The following TSEN15 variants were observed in gnomAD, a reference collection of about 807,000 sequenced individuals.
TSEN15 encodes the protein tRNA-splicing endonuclease subunit Sen15.
A neutral mutation model predicts 20.5 loss-of-function variants in TSEN15; 10 were observed. The ratio of observed to expected loss-of-function variants is 0.49; its 90% CI spans 0.30 to 0.83. The LOEUF (loss-of-function observed/expected upper bound fraction) is 0.83, where lower values mean the gene tolerates loss of function less well. Among genes scored for constraint, TSEN15 ranks in the 40% least tolerant of loss-of-function variants. The pLI is 0.06. For missense variants in TSEN15, 180 were observed against 218.6 expected (o/e 0.82, Z 1.11); for synonymous variants, 72 against 80.1 (o/e 0.90, Z 0.54).
chr1:184,077,931 T>C (rs1476006734), downstream of TSEN15, among the ~76,000 whole-genome samples: 1 of 152,180 alleles, frequency 6.6e-6, no homozygotes. Context: ...ACTGTTGAAA[T>C]GACAAAATAT....
At position 184,051,801 on chromosome 1, in the gene TSEN15, C is replaced by A. The variant is rs199604629; in HGVS notation, c.46C>A (p.Leu16Met). 191 of 1,532,204 alleles carry A rather than the reference C, an allele frequency of 1.2e-4. No homozygotes were observed. In the African/African-American group the frequency reaches 2.5e-3, roughly 20 times the overall value. The allele number at this position is 1,532,204 out of a possible 1,614,324, so 94.9% of individuals were successfully genotyped here. ...CGAGCCGACCCCCGGCTGCAGCGGC[C>A]TGGGTCCGGGCGGTGTTCGCGGCTT... Reference protein sequence around the residue: ...DSEPTPGCSGLGPGGVRGFGD... With the variant: ...DSEPTPGCSGMGPGGVRGFGD... The change falls in exon 1 of 5, where the codon CTG (leucine) becomes ATG (methionine). Residue 16 changes from leucine to methionine, a missense_variant. Physicochemically the swap from Leu to Met is conservative, Grantham distance 15 (BLOSUM62 2). Coordinates refer to ENST00000645668, the MANE Select transcript of TSEN15 (RefSeq NM_052965.4).
downstream of TSEN15, among the ~76,000 whole-genome samples, chr1:184,078,901 G>C (rs1350407436): frequency 6.6e-6 from 1 of 151,986 alleles, no homozygotes; most frequent in Non-Finnish European, 1.5e-5. Flanking sequence ...ATTCCTCTCT[G>C]AGGTCACTTT....
chr1:184,095,616 C>T (rs185782742), intron 3 of TSEN15: 4 of 393,236 alleles, frequency 1.0e-5, no homozygotes, highest in Non-Finnish European at 1.8e-5. Context: ...CCAGAGATCT[C>T]TATCTCTCTC....
intron 3 of TSEN15, among the ~76,000 whole-genome samples, chr1:184,087,743 A>C (rs1481589412): frequency 6.6e-6 from 1 of 152,222 alleles, no homozygotes; most frequent in Non-Finnish European, 1.5e-5. Context: ...GATGTGAGAA[A>C]GTAGATGTAA....
chr1:184,072,136 A>G (rs1319855479), intron 3 of TSEN15, 21 bp from the exon 4 acceptor site: 1 of 1,612,088 alleles, frequency 6.2e-7, no homozygotes, highest in Admixed American at 1.7e-5. Flanking sequence ...ACTCCTAAGT[A>G]TATTGTGACT....
chr1:184,092,274 A>G lies in TSEN15; in HGVS notation c.354-3416A>G, dbSNP rs948609930. Among the ~76,000 whole-genome samples, 3 of 152,358 alleles carry G rather than the reference A, an allele frequency of 2.0e-5. No individual in the cohort carries two copies. The East Asian group carries it at 5.8e-4, about 29-fold the overall frequency. ...AAAAGCATTATTGTTCTCAACCCATAGAAGGTATCACTGAAAAAGGCTTTG... is the reference window on the plus strand; with the variant it reads ...AAAAGCATTATTGTTCTCAACCCATGGAAGGTATCACTGAAAAAGGCTTTG... On this transcript the variant is annotated intron_variant, in intron 3 of 3. Transcript: ENST00000643231.
intron 3 of TSEN15, among the ~76,000 whole-genome samples, chr1:184,063,565 A>G (rs988804346): frequency 9.9e-5 from 15 of 152,182 alleles, no homozygotes; most frequent in Non-Finnish European, 2.2e-4. Flanking sequence ...TGTTGTTTTC[A>G]AAAGAATGTA....
intron 3 of TSEN15, among the ~76,000 whole-genome samples, chr1:184,093,246 G>A (rs1404237038): frequency 1.3e-5 from 2 of 152,126 alleles, no homozygotes; most frequent in Admixed American, 1.3e-4. Context: ...AAGTCACGAG[G>A]CCCAGGTACT....
At chr1:184,089,311 T>C (rs187124555) in intron 3 of TSEN15, among the ~76,000 whole-genome samples, 14 of 152,322 alleles carry the variant, frequency 9.2e-5, no homozygotes, top group Admixed American at 3.9e-4. Flanking sequence ...TCAATGCTCT[T>C]CTGGGTTGTG....
At chr1:184,075,390 A>C (rs950070519), downstream of TSEN15, among the ~76,000 whole-genome samples, 2 of 152,146 alleles carry the variant, frequency 1.3e-5, no homozygotes, top group African/African-American at 2.4e-5. Flanking sequence ...TAATTTTGTA[A>C]GTGAGTTTAC....
At chr1:184,074,317 C>G (rs1221412167), downstream of TSEN15, 3 of 152,120 alleles carry the variant, frequency 2.0e-5, no homozygotes, top group Non-Finnish European at 4.4e-5. Context: ...TTTTTGTGGG[C>G]AAGGGACCCG....
At chr1:184,064,546 A>AAAACAAAC (rs375194362) in intron 3 of TSEN15, among the ~76,000 whole-genome samples, 2 of 152,092 alleles carry the variant, frequency 1.3e-5, no homozygotes, top group African/African-American at 4.8e-5. Flanking sequence ...AAAATATGAA[A>AAAACAAAC]AAACAAACAA....
At chr1:184,066,002 T>C (rs1161620698) in intron 3 of TSEN15, among the ~76,000 whole-genome samples, 1 of 152,216 alleles carries the variant, frequency 6.6e-6, no homozygotes, top group Non-Finnish European at 1.5e-5. Flanking sequence ...TAAATTTTAA[T>C]AGAATCTGAT....
chr1:184,077,603 C>A (rs1651088883), downstream of TSEN15, among the ~76,000 whole-genome samples: 1 of 152,108 alleles, frequency 6.6e-6, no homozygotes, highest in African/African-American at 2.4e-5. Flanking sequence ...AGTAGACTGA[C>A]AACCTTCCAG....
intron 3 of TSEN15, among the ~76,000 whole-genome samples, chr1:184,080,584 TCAAGCTGTTTGTGGGTAATTCTGAAAAAC>T (rs1341285929): frequency 6.6e-6 from 1 of 152,212 alleles, no homozygotes; most frequent in Non-Finnish European, 1.5e-5. Context: ...TATCAAAATG[TCAAGCTGTTTGTGGGTAATTCTGAAAAAC>T]ATATTCATAA....
exon 4 of TSEN15, chr1:184,097,071 T>C (rs1352615286): frequency 6.6e-6 from 1 of 152,202 alleles, no homozygotes; most frequent in East Asian, 1.9e-4. Context: ...TGCAGTTCTT[T>C]GTGCCTGCAT....
chr1:184,087,627 A>G (rs1307606379), intron 3 of TSEN15, among the ~76,000 whole-genome samples: 1 of 152,186 alleles, frequency 6.6e-6, no homozygotes, highest in South Asian at 2.1e-4. Context: ...CTTTCAGAAC[A>G]TCCCATGTGA....
chr1:184,072,366 G>A, intron 4 of TSEN15, 68 bp downstream of exon 4: 2 of 1,442,942 alleles, frequency 1.4e-6, no homozygotes, highest in Non-Finnish European at 1.9e-6. Flanking sequence ...TTTTAAGTGT[G>A]ACTCAAGTCA....
intron 3 of TSEN15, 36 bp downstream of exon 3, chr1:184,054,899 A>C: frequency 1.3e-6 from 2 of 1,593,968 alleles, no homozygotes; most frequent in Non-Finnish European, 1.7e-6. Context: ...TCCTTTCCCG[A>C]GTAAAGCAGT....
Sources: gnomAD v4.1 joint callset for allele counts (sites outside exome capture counted in the v4.1 genomes callset) on GRCh38, gnomAD v4.1.1 for gene constraint, MANE v1.5 for transcripts, NCBI Gene and HGNC (gene_info 2026-07-23, HGNC 2026-07-21) for gene names.